Variants in ACP3 observed in about 807,000 individuals in gnomAD.
ACP3 encodes prostatic acid phosphatase.
ACP3 carries 38 observed loss-of-function variants against 45.6 expected under a neutral mutation model. The ratio of observed to expected loss-of-function variants is 0.83; its 90% CI spans 0.64 to 1.09. The LOEUF (loss-of-function observed/expected upper bound fraction) is 1.09, where lower values mean the gene tolerates loss of function less well. Ranked by LOEUF, ACP3 falls within the 50% of genes least tolerant of loss-of-function variation. The pLI, the probability that ACP3 is intolerant of heterozygous loss-of-function variation, is 0.00. For synonymous variants in ACP3, 162 were observed against 164.7 expected (o/e 0.98, Z 0.13); for missense variants, 466 against 463.2 (o/e 1.01, Z -0.05).
chr3:132,350,107 C>T lies in ACP3; in HGVS notation c.864+105C>T, dbSNP rs7620680. 1.1e-3 allele frequency: 847 copies of T among 748,854 alleles called. 12 individuals are homozygous for T. The African/African-American group carries it at 0.013, about 11-fold the overall frequency. The allele number at this position is 748,854 out of a possible 1,614,324, so 46.4% of individuals were successfully genotyped here. ...ATCTTCATTTCCCCATCTCCTTGTA[C>T]GTGGTAGGCACTTGCACAAAGCTTT... On this transcript the variant is annotated intron_variant, in intron 8 of 9. Transcript: ENST00000336375.
intron 1 of ACP3, among the ~76,000 whole-genome samples, chr3:132,319,388 A>G (rs1447090387): frequency 6.6e-6 from 1 of 152,248 alleles, no homozygotes; most frequent in East Asian, 1.9e-4. Context: ...TTGAGTGCTT[A>G]CTGCAAGTAC....
chr3:132,320,419 A>T (rs1257798749), intron 1 of ACP3, among the ~76,000 whole-genome samples: 1 of 152,140 alleles, frequency 6.6e-6, no homozygotes. Context: ...GAGTTTTTTA[A>T]GTTATTTCAT....
At chr3:132,318,896 A>C (rs1431054361) in intron 1 of ACP3, among the ~76,000 whole-genome samples, 1 of 152,168 alleles carries the variant, frequency 6.6e-6, no homozygotes, top group Non-Finnish European at 1.5e-5. Flanking sequence ...TGAGAAATCC[A>C]AGTTACTCCA....
intron 5 of ACP3, among the ~76,000 whole-genome samples, chr3:132,338,792 ACTTTT>A (rs149809275): frequency 0.099 from 15,049 of 152,276 alleles, 946 homozygotes; most frequent in Non-Finnish European, 0.15. Context: ...GTGCTATAGT[ACTTTT>A]CTTCTTGTGA....
At chr3:132,359,128 C>A (rs1474073392), downstream of ACP3, among the ~76,000 whole-genome samples, 2 of 152,162 alleles carry the variant, frequency 1.3e-5, no homozygotes, top group Non-Finnish European at 2.9e-5. Flanking sequence ...ACACAGATTA[C>A]TGTGGGAACA....
In ACP3 at chr3:132,342,629, C is replaced by T. The variant is rs1177712947; in HGVS notation, c.633C>T (p.Asp211=). Residue 211 remains aspartate (D), a synonymous_variant, in exon 6 of 10, where the codon GAC becomes GAT. Coordinates refer to ENST00000336375, the MANE Select transcript of ACP3 (RefSeq NM_001099.5). ...TTGGAATTTGGAGTAAAGTCTACGA[C>T]CCTTTATATTGTGAGGTAAAAGAAA... The part of the protein sequence containing the change: ...DLFGIWSKVY[D]PLYCESVHNF... The T allele has an allele frequency of 6.2e-7, 1 of 1,602,680 alleles. No homozygotes were observed. Among genetic ancestry groups the T allele is most frequent in the Admixed American group, 1.7e-5 (1 of 57,186 alleles).
intron 10 of ACP3, chr3:132,367,651 C>T (rs1289930738): frequency 7.3e-7 from 1 of 1,377,104 alleles, no homozygotes; most frequent in African/African-American, 1.4e-5. Context: ...TGTGATCTTC[C>T]TATTTTCCTA....
At chr3:132,331,299 G>C (rs1232087137) in intron 2 of ACP3, among the ~76,000 whole-genome samples, 1 of 152,182 alleles carries the variant, frequency 6.6e-6, no homozygotes, top group African/African-American at 2.4e-5. Context: ...TCCCCACCAA[G>C]TGGGTCTCTT....
At chr3:132,322,028 G>A (rs1349963805) in intron 1 of ACP3, among the ~76,000 whole-genome samples, 1 of 152,062 alleles carries the variant, frequency 6.6e-6, no homozygotes, top group African/African-American at 2.4e-5. Flanking sequence ...TGTTTTACAC[G>A]AAAGGAAATT....
rs951206035 is a variant in ACP3, at chr3:132,367,917, C to A, written c.*95C>A. Reference sequence around the variant, plus strand: ...ACAGGCTTTTGCCATGTGGGCATTGCCATCCTCACACCCTGCCTTTTGAAT... The same window carrying A: ...ACAGGCTTTTGCCATGTGGGCATTGACATCCTCACACCCTGCCTTTTGAAT... On this transcript the variant is annotated 3_prime_UTR_variant, in exon 11 of 11. Coordinates refer to the ACP3 transcript ENST00000351273. 8 of 911,010 alleles carry A rather than the reference C, an allele frequency of 8.8e-6. No individual in the cohort carries two copies. The African/African-American group carries it at 1.3e-4, about 15-fold the overall frequency. The allele number at this position is 911,010 out of a possible 1,614,324, so 56.4% of individuals were successfully genotyped here. A position where few individuals can be genotyped will look rare whatever the true frequency, so the allele number is the denominator to read the frequency against.
Position 132,352,753 on chromosome 3 carries a change from C to T in ACP3, c.898C>T (p.Leu300=). 1.2e-6 allele frequency: 2 copies of T among 1,613,900 alleles called. No individual in the cohort carries two copies. Among genetic ancestry groups the T allele is most frequent in the Non-Finnish European group, 1.7e-6 (2 of 1,179,818 alleles). ...DTTVSGLQMA[L]DVYNGLLPPY... ...TACTGTGAGTGGCCTACAGATGGCG[C>T]TAGATGTTTACAACGGACTCCTTCC... The change falls in exon 9 of 10, where the codon CTA becomes TTA. Residue 300 remains leucine (L), a synonymous_variant. Coordinates refer to ENST00000336375, the MANE Select transcript of ACP3 (RefSeq NM_001099.5).
chr3:132,331,470 A>G (rs1178049725), intron 2 of ACP3, among the ~76,000 whole-genome samples, 177 bp from the exon 3 acceptor site: 2 of 152,244 alleles, frequency 1.3e-5, no homozygotes, highest in African/African-American at 4.8e-5. Flanking sequence ...GGGAACTGTA[A>G]CTAAAGAGTA....
At chr3:132,332,761 T>C (rs1429739311) in intron 4 of ACP3, 2 of 168,196 alleles carry the variant, frequency 1.2e-5, no homozygotes, top group African/African-American at 4.8e-5. Flanking sequence ...CTCATGAAAA[T>C]CCACATTCCT....
chr3:132,351,635 C>G (rs558297083), intron 8 of ACP3, among the ~76,000 whole-genome samples: 5 of 152,250 alleles, frequency 3.3e-5, no homozygotes, highest in South Asian at 2.1e-4. Flanking sequence ...TGAAATTAGT[C>G]ATTTCTGCCA....
chr3:132,365,144 C>G (rs560070821), intron 10 of ACP3, among the ~76,000 whole-genome samples: 1 of 152,292 alleles, frequency 6.6e-6, no homozygotes, highest in Non-Finnish European at 1.5e-5. Flanking sequence ...TCGTTATGTG[C>G]CAGATACTGT....
chr3:132,331,814 G>A (rs1424039688), intron 3 of ACP3, 81 bp downstream of exon 3: 3 of 1,198,760 alleles, frequency 2.5e-6, no homozygotes, highest in South Asian at 1.4e-5. Flanking sequence ...TGCTTTGCCT[G>A]TTTTCCAAGG....
At chr3:132,342,040 C>T (rs904619463) in intron 5 of ACP3, among the ~76,000 whole-genome samples, 1 of 152,146 alleles carries the variant, frequency 6.6e-6, no homozygotes, top group Non-Finnish European at 1.5e-5. Context: ...GTTGCATGTT[C>T]CAGGATGCTT....
chr3:132,366,233 C>T (rs368223209), intron 10 of ACP3, among the ~76,000 whole-genome samples: 1 of 144,128 alleles, frequency 6.9e-6, no homozygotes, highest in Non-Finnish European at 1.5e-5. Context: ...CCTGGGCAGT[C>T]GAGGCTGCAT....
intron 5 of ACP3, among the ~76,000 whole-genome samples, chr3:132,337,926 T>C (rs1937516002): frequency 6.6e-6 from 1 of 152,188 alleles, no homozygotes; most frequent in African/African-American, 2.4e-5. Flanking sequence ...TTTTTTTTTG[T>C]TTCTATTTTG....
Sources: allele counts gnomAD v4.1 joint callset (sites outside exome capture counted in the v4.1 genomes callset), GRCh38; gene constraint gnomAD v4.1.1; transcripts MANE v1.5; gene names NCBI Gene and HGNC (gene_info 2026-07-23, HGNC 2026-07-21).